Variants in PLCG1 observed in about 807,000 individuals in gnomAD.
PLCG1 encodes the protein 1-phosphatidylinositol 4,5-bisphosphate phosphodiesterase gamma-1.
A neutral mutation model predicts 177.8 loss-of-function variants in PLCG1; 71 were observed. That is an observed-to-expected ratio of 0.40 (90% CI 0.33 to 0.49). The LOEUF (loss-of-function observed/expected upper bound fraction) is 0.49, where lower values mean the gene tolerates loss of function less well. PLCG1 is among the 20% of genes least tolerant of loss of function. The pLI, the probability that PLCG1 is intolerant of heterozygous loss-of-function variation, is 0.72. For synonymous variants in PLCG1, 658 were observed against 647.9 expected (o/e 1.02, Z -0.24); for missense variants, 1,281 against 1,709.0 (o/e 0.75, Z 4.42).
chr20:41,172,696 G>A lies in PLCG1; in HGVS notation c.3131-33G>A. On this transcript the variant is annotated intron_variant, in intron 26 of 31. Transcript: ENST00000685551. This position sits in a 1 kb window ranked among gnomAD's most constrained non-coding sequence, Gnocchi z 7.0. ...TGAGGAGGGGCACTGTGGGGCAGCT[G>A]GACTGGAATACACCATAATCTGCCT... 1 of 1,612,854 alleles carries A rather than the reference G, an allele frequency of 6.2e-7. No individual in the cohort carries two copies. The highest frequency in any genetic ancestry group is 8.5e-7 in the Non-Finnish European group (1 of 1,179,092).
In PLCG1 at chr20:41,162,522, C is replaced by T. The variant is rs11547263; in HGVS notation, c.583C>T (p.Arg195Ter). 3.1e-6 allele frequency: 5 copies of T among 1,613,930 alleles called. No individual in the cohort carries two copies. The highest frequency in any genetic ancestry group is 1.1e-5 in the South Asian group (1 of 91,062). ...CCGGGTCCCCAACATGCGCTTCCTC[C>T]GAGAGCGGCTGACGGTAAGTGCCAC... ...NYRVPNMRFL[R>*]ERLTDLEQRS... Residue 195 changes from arginine (R) to a stop codon, truncating the protein, a stop_gained, in exon 5 of 32, where the codon CGA becomes TGA. Coordinates refer to ENST00000685551, the MANE Select transcript of PLCG1 (RefSeq NM_002660.3). LOFTEE classifies it high-confidence loss of function.
In PLCG1 at chr20:41,164,255, C is replaced by G; in HGVS notation, c.1217+54C>G. On this transcript the variant is annotated intron_variant, in intron 12 of 31. Coordinates refer to ENST00000685551, the MANE Select transcript of PLCG1 (RefSeq NM_002660.3). The surrounding 1 kb of genome is among the most constrained non-coding windows in gnomAD (Gnocchi z 6.4). ...TTAACTTGGCTCCAGGTCTCTCGTT[C>G]TAGAGGGACAGAGGGCAGAAAGACT... The G allele has an allele frequency of 6.3e-7, 1 of 1,591,098 alleles. No individual in the cohort carries two copies. Among genetic ancestry groups the G allele is most frequent in the Non-Finnish European group, 8.6e-7 (1 of 1,161,578 alleles).
At position 41,167,895 on chromosome 20, in the gene PLCG1, T is replaced by A; in HGVS notation, c.2345T>A (p.Phe782Tyr). The change falls in exon 20 of 32, where the codon TTC (phenylalanine) becomes TAC (tyrosine). Residue 782 changes from phenylalanine to tyrosine, a missense_variant. This residue lies in a region of PLCG1 where 723 missense variants were observed against 1,030.0 expected (regional missense o/e 0.70). Coordinates refer to ENST00000685551, the MANE Select transcript of PLCG1 (RefSeq NM_002660.3). The surrounding 1 kb of genome is among the most constrained non-coding windows in gnomAD (Gnocchi z 4.4). Reference protein sequence around the residue: ...GALYEGRNPGFYVEANPMPTF... With the variant: ...GALYEGRNPGYYVEANPMPTF... The stretch of plus-strand genomic sequence containing the variant: ...CTGTATGAGGGACGCAACCCTGGCT[T>A]CTATGTAGAGGCAAACCCTATGCCA... 1 of 1,613,954 alleles carries A rather than the reference T, an allele frequency of 6.2e-7. No homozygotes were observed. The highest frequency in any genetic ancestry group is 8.5e-7 in the Non-Finnish European group (1 of 1,179,920).
intron 1 of PLCG1, among the ~76,000 whole-genome samples, chr20:41,158,159 G>C (rs182011560): frequency 6.6e-6 from 1 of 152,122 alleles, no homozygotes; most frequent in African/African-American, 2.4e-5. Flanking sequence ...GGATAGATGT[G>C]GAGTTTTGTG....
chr20:41,167,713 T>A lies in PLCG1; in HGVS notation c.2302-139T>A. On this transcript the variant is annotated intron_variant, in intron 19 of 31. Transcript: ENST00000685551. The surrounding 1 kb of genome is among the most constrained non-coding windows in gnomAD (Gnocchi z 4.4). ...GGCCTGAGGCCTCTGAAGCCGTCTC[T>A]ACTGAGGTCGAAGGATCCCTGTGGA... The A allele has an allele frequency of 3.0e-6, 2 of 665,606 alleles. No individual in the cohort carries two copies. The highest frequency in any genetic ancestry group is 3.5e-5 in the South Asian group (2 of 57,364). The allele number at this position is 665,606 out of a possible 1,614,324, so 41.2% of individuals were successfully genotyped here.
chr20:41,163,732 C>A lies in PLCG1; in HGVS notation c.909C>A (p.Phe303Leu). The A allele has an allele frequency of 6.2e-7, 1 of 1,611,038 alleles. No individual in the cohort carries two copies. Among genetic ancestry groups the A allele is most frequent in the South Asian group, 1.1e-5 (1 of 90,996 alleles). The change falls in exon 10 of 32, where the codon TTC becomes TTA. Residue 303 changes from phenylalanine (F) to leucine (L), a missense_variant. Phe to Leu is a conservative substitution (Grantham distance 22). Transcript: ENST00000685551. The surrounding 1 kb of genome is among the most constrained non-coding windows in gnomAD (Gnocchi z 5.2). The part of the protein sequence containing the change: ...FFLDEFVTFL[F>L]SKENSVWNSQ... ...CTGGACAGTTTGTCACCTTCCTGTT[C>A]TCCAAAGAGAACAGTGTGTGGAACT... is the stretch of plus-strand genomic sequence containing the variant.
At position 41,164,867 on chromosome 20, in the gene PLCG1, T is replaced by C. The variant is rs991745167; in HGVS notation, c.1218-66T>C. ...GCCCTTGGCTTCCAACAGCTCACTG[T>C]GAGGGGCTACTTAGACCCAGAGAAT... is the stretch of plus-strand genomic sequence containing the variant. On this transcript the variant is annotated intron_variant, in intron 12 of 31. Coordinates refer to ENST00000685551, the MANE Select transcript of PLCG1 (RefSeq NM_002660.3). This position sits in a 1 kb window ranked among gnomAD's most constrained non-coding sequence, Gnocchi z 6.4. The C allele has an allele frequency of 6.1e-5, 92 of 1,509,836 alleles. No homozygotes were observed. Among genetic ancestry groups the C allele is most frequent in the Non-Finnish European group, 7.9e-5 (87 of 1,104,288 alleles). The allele number at this position is 1,509,836 out of a possible 1,614,324, so 93.5% of individuals were successfully genotyped here.
At position 41,164,153 on chromosome 20, in the gene PLCG1, T is replaced by A; in HGVS notation, c.1169T>A (p.Phe390Tyr). 6.2e-7 allele frequency: 1 copy of A among 1,614,040 alleles called. No homozygotes were observed. Among genetic ancestry groups the A allele is most frequent in the Non-Finnish European group, 8.5e-7 (1 of 1,180,000 alleles). Residue 390 changes from phenylalanine (F) to tyrosine (Y), a missense_variant, in exon 12 of 32, where the codon TTC (phenylalanine) becomes TAC (tyrosine). This residue lies in a region of PLCG1 where 723 missense variants were observed against 1,030.0 expected (regional missense o/e 0.70). Coordinates refer to ENST00000685551, the MANE Select transcript of PLCG1 (RefSeq NM_002660.3). This position sits in a 1 kb window ranked among gnomAD's most constrained non-coding sequence, Gnocchi z 6.4. ...HGHTLTTKIK[F>Y]SDVLHTIKEH... ...CACACCCTTACCACCAAGATCAAGT[T>A]CTCAGATGTCCTGCACACCATCAAG...
At position 41,167,486 on chromosome 20, in the gene PLCG1, G is replaced by A. The variant is rs1305769405; in HGVS notation, c.2302-366G>A. On this transcript the variant is annotated intron_variant, in intron 19 of 31. Coordinates refer to ENST00000685551, the MANE Select transcript of PLCG1 (RefSeq NM_002660.3). This position sits in a 1 kb window ranked among gnomAD's most constrained non-coding sequence, Gnocchi z 4.4. ...CAGGAGGAATGTGGGGAGTGGGAAG[G>A]CTTTTCCTGACTTTGGGCTCAGCAG... Among the ~76,000 whole-genome samples, 1 of 152,118 alleles carries A rather than the reference G, an allele frequency of 6.6e-6. No individual in the cohort carries two copies. Among genetic ancestry groups the A allele is most frequent in the African/African-American group, 2.4e-5 (1 of 41,408 alleles).
chr20:41,158,173 G>C (rs59692797), intron 1 of PLCG1, among the ~76,000 whole-genome samples: 3 of 152,156 alleles, frequency 2.0e-5, no homozygotes, highest in Non-Finnish European at 4.4e-5. Flanking sequence ...TTTTGTGACA[G>C]TTGCTAGAGG....
Position 41,166,140 on chromosome 20 carries a change from C to A in PLCG1, c.1800-54C>A. Reference sequence around the variant, plus strand: ...ACCCTCATTTGGGGTGGAACTTGGTCTTTGGGGCCCTGGCCTGTTTTCCCC... The same window carrying A: ...ACCCTCATTTGGGGTGGAACTTGGTATTTGGGGCCCTGGCCTGTTTTCCCC... On this transcript the variant is annotated intron_variant, in intron 16 of 31. Transcript: ENST00000685551. The surrounding 1 kb of genome is among the most constrained non-coding windows in gnomAD (Gnocchi z 8.6). 1 of 1,527,588 alleles carries A rather than the reference C, an allele frequency of 6.5e-7. No homozygotes were observed. The highest frequency in any genetic ancestry group is 1.1e-5 in the South Asian group (1 of 89,138). The allele number at this position is 1,527,588 out of a possible 1,614,324, so 94.6% of individuals were successfully genotyped here.
chr20:41,174,075 G>C lies in PLCG1; in HGVS notation c.3646-49G>C. The C allele has an allele frequency of 6.2e-7, 1 of 1,606,154 alleles. No individual in the cohort carries two copies. Among genetic ancestry groups the C allele is most frequent in the Non-Finnish European group, 8.5e-7 (1 of 1,173,034 alleles). The stretch of plus-strand genomic sequence containing the variant: ...GAGGAGAGCCAGGCAGCAGCCTCTA[G>C]AAGTGCAGAGGAGTCATTGACCCTC... On this transcript the variant is annotated intron_variant, in intron 30 of 31. Coordinates refer to ENST00000685551, the MANE Select transcript of PLCG1 (RefSeq NM_002660.3). The surrounding 1 kb of genome is among the most constrained non-coding windows in gnomAD (Gnocchi z 5.8).
chr20:41,143,530 A>G (rs530769147), intron 1 of PLCG1, among the ~76,000 whole-genome samples: 1 of 152,346 alleles, frequency 6.6e-6, no homozygotes, highest in African/African-American at 2.4e-5. Context: ...TGAGAGGAGC[A>G]TGGGAACAGT....
rs749286483 is a variant in PLCG1 at position 41,174,510 on chromosome 20, T to C, written c.*1T>C. On this transcript the variant is annotated 3_prime_UTR_variant, in exon 32 of 32. Transcript: ENST00000685551. This position sits in a 1 kb window ranked among gnomAD's most constrained non-coding sequence, Gnocchi z 5.8. ...GGTCAATGGAGACAACCGCCTCTAG[T>C]TGTACCCCAGCCTCGTTGGAGAGCA... The C allele has an allele frequency of 6.3e-7, 1 of 1,585,132 alleles. No homozygotes were observed. Among genetic ancestry groups the C allele is most frequent in the Non-Finnish European group, 8.6e-7 (1 of 1,164,592 alleles).
At chr20:41,168,984 AC>A in intron 21 of PLCG1, 94 bp from the exon 22 acceptor site, 1 of 1,199,280 alleles carries the variant, frequency 8.3e-7, no homozygotes, top group South Asian at 1.2e-5. Flanking sequence ...TGCCTGCCTC[AC>A]CCTGGCTTAG....
chr20:41,160,040 C>T lies in PLCG1; in HGVS notation c.465-66C>T. ...GACAGGGACAGCAGACCTTTGTGTG[C>T]CCAGACATCTCCCAGGCCTGACTGT... On this transcript the variant is annotated intron_variant, in intron 3 of 31. Transcript: ENST00000685551. The surrounding 1 kb of genome is among the most constrained non-coding windows in gnomAD (Gnocchi z 5.5). 6.3e-7 allele frequency: 1 copy of T among 1,598,924 alleles called. No homozygotes were observed. Among genetic ancestry groups the T allele is most frequent in the Non-Finnish European group, 8.6e-7 (1 of 1,166,182 alleles).
rs767588972 is a variant in PLCG1, at chr20:41,165,038, C to T, written c.1323C>T (p.Pro441=). The T allele has an allele frequency of 2.5e-6, 4 of 1,614,196 alleles. No individual in the cohort carries two copies. The highest frequency in any genetic ancestry group is 2.2e-5 in the East Asian group (1 of 44,890). Residue 441 remains proline, a synonymous_variant, in exon 13 of 32, where the codon CCC becomes CCT. Transcript: ENST00000685551. The surrounding 1 kb of genome is among the most constrained non-coding windows in gnomAD (Gnocchi z 6.6). ...TGGGGGACACACTCCTCACCAAGCC[C>T]GTGGAGATCTCTGCCGACGGGCTCC... The part of the protein sequence containing the change: ...KVLGDTLLTK[P]VEISADGLPS...
In PLCG1 at chr20:41,144,173, T is replaced by G. The variant is rs150006577; in HGVS notation, c.217+6315T>G. On this transcript the variant is annotated intron_variant, in intron 1 of 31. Transcript: ENST00000685551. This position sits in a 1 kb window ranked among gnomAD's most constrained non-coding sequence, Gnocchi z 4.1. Reference sequence around the variant, plus strand: ...CCATGAATCCATGGAGGGCAGGAGTTACTATCCCTCTCTTACAGAGGAGAA... The same window carrying G: ...CCATGAATCCATGGAGGGCAGGAGTGACTATCCCTCTCTTACAGAGGAGAA... 6.6e-6 allele frequency among the ~76,000 whole-genome samples: 1 copy of G among 152,346 alleles called. No individual in the cohort carries two copies. The highest frequency in any genetic ancestry group is 1.5e-5 in the Non-Finnish European group (1 of 68,038).
chr20:41,165,298 G>A lies in PLCG1; in HGVS notation c.1440G>A (p.Met480Ile), dbSNP rs1375722081. 1.2e-6 allele frequency: 2 copies of A among 1,614,180 alleles called. No individual in the cohort carries two copies. Among genetic ancestry groups the A allele is most frequent in the East Asian group, 2.2e-5 (1 of 44,874 alleles). Residue 480 changes from methionine to isoleucine, a missense_variant, in exon 14 of 32, where the codon ATG (methionine) becomes ATA (isoleucine). Met to Ile is a conservative substitution (Grantham distance 10). Transcript: ENST00000685551. The surrounding 1 kb of genome is among the most constrained non-coding windows in gnomAD (Gnocchi z 6.6). ...ACGAGGAGGTGCCTACATCCATGATGTACTCTGAGAACGACATCAGCAACT... is the reference window on the plus strand; with the variant it reads ...ACGAGGAGGTGCCTACATCCATGATATACTCTGAGAACGACATCAGCAACT... ...SAYEEVPTSM[M>I]YSENDISNSI... is the part of the protein sequence containing the mutation.
Sources: gnomAD v4.1 joint callset for allele counts (sites outside exome capture counted in the v4.1 genomes callset) on GRCh38, gnomAD v4.1.1 for gene constraint, gnomAD v4.1.1 regional missense constraint, Gnocchi (gnomAD v3.1) non-coding constraint, MANE v1.5 for transcripts, NCBI Gene and HGNC (gene_info 2026-07-23, HGNC 2026-07-21) for gene names.